XYLT1: variants seen among roughly 807,000 people sequenced by gnomAD.
The protein encoded by XYLT1 is xylosyltransferase 1, also known as beta-D-xylosyltransferase 1.
XYLT1 carries 36 observed loss-of-function variants against 91.3 expected under a neutral mutation model. That is an observed-to-expected ratio of 0.39 (90% CI 0.30 to 0.52). The LOEUF (loss-of-function observed/expected upper bound fraction) is 0.52. XYLT1 is among the 20% of genes least tolerant of loss of function. XYLT1 has a pLI of 0.68. For synonymous variants in XYLT1, 588 were observed against 532.0 expected (o/e 1.11, Z -1.45); for missense variants, 1,242 against 1,284.5 (o/e 0.97, Z 0.51).
chr16:17,422,076 G>A (rs770547504), intron 1 of XYLT1, among the ~76,000 whole-genome samples: 12 of 152,052 alleles, frequency 7.9e-5, no homozygotes, highest in Non-Finnish European at 1.8e-4. Flanking sequence ...TCTGCCTCCC[G>A]GGTTCACGCC....
chr16:17,202,277 G>A (rs2032557148), intron 3 of XYLT1, among the ~76,000 whole-genome samples: 1 of 152,184 alleles, frequency 6.6e-6, no homozygotes, highest in Admixed American at 6.5e-5. Context: ...CTGTGGGGCT[G>A]GGGGATTAGG....
intron 2 of XYLT1, among the ~76,000 whole-genome samples, chr16:17,332,251 T>C (rs996208482): frequency 6.6e-6 from 1 of 151,958 alleles, no homozygotes; most frequent in Admixed American, 6.6e-5. Flanking sequence ...AACCATGGGG[T>C]GAAGTGGAGG....
At chr16:17,405,226 G>A (rs992493734) in intron 1 of XYLT1, among the ~76,000 whole-genome samples, 1 of 152,168 alleles carries the variant, frequency 6.6e-6, no homozygotes, top group Non-Finnish European at 1.5e-5. Context: ...ATGATGCCCT[G>A]TTTCTCCTGG....
chr16:17,227,040 A>G (rs2033078209), intron 3 of XYLT1: 1 of 152,226 alleles, frequency 6.6e-6, no homozygotes, highest in Non-Finnish European at 1.5e-5. Flanking sequence ...GATGCTATTT[A>G]TTCCATCACC....
At chr16:17,389,748 A>G (rs1250252148) in intron 1 of XYLT1, among the ~76,000 whole-genome samples, 1 of 152,228 alleles carries the variant, frequency 6.6e-6, no homozygotes, top group Non-Finnish European at 1.5e-5. Flanking sequence ...CAAGAATCAA[A>G]GGGTGTAGGC....
intron 1 of XYLT1, among the ~76,000 whole-genome samples, chr16:17,397,602 A>G (rs182962686): frequency 6.6e-6 from 1 of 152,122 alleles, no homozygotes; most frequent in African/African-American, 2.4e-5. Context: ...AAGGCCTCTC[A>G]CACATATTCT....
intron 1 of XYLT1, among the ~76,000 whole-genome samples, chr16:17,396,979 C>T (rs575463903): frequency 7.9e-5 from 12 of 152,276 alleles, no homozygotes; most frequent in South Asian, 2.1e-4. Context: ...CACACAGCCA[C>T]GTTCATTTGT....
At chr16:17,377,223 G>A (rs925065642) in intron 1 of XYLT1, among the ~76,000 whole-genome samples, 3 of 135,194 alleles carry the variant, frequency 2.2e-5, no homozygotes, top group East Asian at 3.9e-4. Context: ...TGTTTTTATA[G>A]ATGGAATAGT....
intron 1 of XYLT1, among the ~76,000 whole-genome samples, chr16:17,364,571 C>T (rs975048128): frequency 1.3e-5 from 2 of 152,190 alleles, no homozygotes; most frequent in Non-Finnish European, 1.5e-5. Flanking sequence ...TGCAAGTTAC[C>T]GTAGATACGA....
intron 3 of XYLT1, among the ~76,000 whole-genome samples, chr16:17,209,196 T>C (rs961304745): frequency 6.6e-6 from 1 of 152,224 alleles, no homozygotes; most frequent in African/African-American, 2.4e-5. Flanking sequence ...GAAAGCTTCA[T>C]TCTACTTTCT....
chr16:17,340,906 T>A (rs1393720704), intron 2 of XYLT1, among the ~76,000 whole-genome samples: 1 of 152,160 alleles, frequency 6.6e-6, no homozygotes, highest in Non-Finnish European at 1.5e-5. Flanking sequence ...AAATACCCCA[T>A]GTAAAAAAAT....
At chr16:17,161,496 A>T (rs546206731) in intron 5 of XYLT1, among the ~76,000 whole-genome samples, 17 of 152,192 alleles carry the variant, frequency 1.1e-4, no homozygotes, top group African/African-American at 4.1e-4. Flanking sequence ...GCTTGCTCTG[A>T]ATGCTAAAGC....
intron 4 of XYLT1, among the ~76,000 whole-genome samples, chr16:17,199,223 A>G (rs1355237262): frequency 6.6e-6 from 1 of 152,340 alleles, no homozygotes; most frequent in African/African-American, 2.4e-5. Context: ...CTTTTGGACA[A>G]GACTTCCCCC....
At chr16:17,114,127 C>G (rs1966847622) in intron 11 of XYLT1, among the ~76,000 whole-genome samples, 1 of 152,264 alleles carries the variant, frequency 6.6e-6, no homozygotes, top group Admixed American at 6.5e-5. Flanking sequence ...ACAGAAGCTC[C>G]TGCACTCAGG....
At chr16:17,260,032 A>ATT (rs34476832) in intron 2 of XYLT1, among the ~76,000 whole-genome samples, 2,032 of 142,512 alleles carry the variant, frequency 0.014, 45 homozygotes, top group African/African-American at 0.048. Context: ...ACCAGCCGCA[A>ATT]TTTTTTTTTT....
intron 1 of XYLT1, among the ~76,000 whole-genome samples, chr16:17,445,589 C>T (rs1311134437): frequency 6.6e-6 from 1 of 152,206 alleles, no homozygotes; most frequent in Non-Finnish European, 1.5e-5. Context: ...GAGCGACTCT[C>T]ACTACTGGCT....
intron 1 of XYLT1, among the ~76,000 whole-genome samples, chr16:17,377,414 G>A (rs2035617216): frequency 6.6e-6 from 1 of 152,134 alleles, no homozygotes; most frequent in African/African-American, 2.4e-5. Flanking sequence ...CTGGATGGCA[G>A]AATCTTCCCA....
intron 3 of XYLT1, among the ~76,000 whole-genome samples, chr16:17,208,881 C>A (rs142638706): frequency 0.01 from 1,589 of 152,208 alleles, 25 homozygotes; most frequent in African/African-American, 0.036. Context: ...CCCACCACCA[C>A]GCCCGGCTAA....
At chr16:17,151,874 G>A (rs1363190026) in intron 6 of XYLT1, among the ~76,000 whole-genome samples, 1 of 152,142 alleles carries the variant, frequency 6.6e-6, no homozygotes, top group East Asian at 1.9e-4. Context: ...TTCCCAAGGA[G>A]GGCAGAAAAA....
Sources: gnomAD v4.1 joint callset for allele counts (sites outside exome capture counted in the v4.1 genomes callset) on GRCh38, gnomAD v4.1.1 for gene constraint, MANE v1.5 for transcripts, NCBI Gene and HGNC (gene_info 2026-07-23, HGNC 2026-07-21) for gene names.